The following RAI2 variants were observed in gnomAD, a reference collection of about 807,000 sequenced individuals.
The protein encoded by RAI2 is retinoic acid-induced protein 2.
RAI2 carries 5 observed loss-of-function variants against 15.3 expected under a neutral mutation model. The ratio of observed to expected loss-of-function variants is 0.33; its 90% CI spans 0.17 to 0.69. RAI2 has a LOEUF of 0.69. Ranked by LOEUF, RAI2 falls within the 30% of genes least tolerant of loss-of-function variation. The pLI, the probability that RAI2 is intolerant of heterozygous loss-of-function variation, is 0.69. For missense variants in RAI2, 424 were observed against 424.7 expected (o/e 1.00, Z 0.01); for synonymous variants, 191 against 184.0 (o/e 1.04, Z -0.31).
chrX:17,807,452 C>G (rs1272054003), intron 1 of RAI2, among the ~76,000 whole-genome samples: 1 of 112,214 alleles, frequency 8.9e-6, no homozygotes, highest in East Asian at 2.8e-4. Flanking sequence ...CATCCTCACC[C>G]TCTTGTCGCA....
chrX:17,801,743 T>C lies in RAI2; in HGVS notation c.268A>G (p.Met90Val). The C allele has an allele frequency of 8.3e-7, 1 of 1,211,706 alleles. No homozygotes were observed. The highest frequency in any genetic ancestry group is 1.1e-6 in the Non-Finnish European group (1 of 895,503). Residue 90 changes from methionine (M) to valine (V), a missense_variant, in exon 2 of 2, where the codon ATG becomes GTG. Transcript: ENST00000451717. ...PLCLGESPVV[M>V]PIHMQVEGSS... ...CCCTCCACCTGCATGTGAATGGGCA[T>C]CACCACTGGGCTCTCCCCGAGGCAC...
At chrX:17,816,046 TTCTC>T (rs767718604) in intron 1 of RAI2, among the ~76,000 whole-genome samples, 92 of 106,798 alleles carry the variant, frequency 8.6e-4, no homozygotes, top group African/African-American at 2.6e-3. Context: ...TTCTTTTTCT[TTCTC>T]TCTCTCTCTC....
At chrX:17,848,341 A>G (rs1039879928) in intron 1 of RAI2, among the ~76,000 whole-genome samples, 8 of 110,517 alleles carry the variant, frequency 7.2e-5, no homozygotes, top group African/African-American at 2.6e-4. Context: ...AAAAGAAAAA[A>G]GCTTAGTCTC....
chrX:17,854,353 C>T (rs1018856427), intron 1 of RAI2, among the ~76,000 whole-genome samples: 1 of 112,094 alleles, frequency 8.9e-6, no homozygotes, highest in Non-Finnish European at 1.9e-5. Flanking sequence ...GATTCTTCAG[C>T]CAATTGCTTT....
intron 1 of RAI2, among the ~76,000 whole-genome samples, chrX:17,808,106 C>A (rs1221419371): frequency 9.0e-6 from 1 of 111,374 alleles, no homozygotes; most frequent in Non-Finnish European, 1.9e-5. Flanking sequence ...TTTTTTTTAT[C>A]TCATCAGCTA....
At chrX:17,850,742 A>G (rs1033762687) in intron 1 of RAI2, among the ~76,000 whole-genome samples, 2 of 112,244 alleles carry the variant, frequency 1.8e-5, no homozygotes, top group African/African-American at 6.5e-5. Flanking sequence ...TTTTAAAATG[A>G]AGGATCCAAT....
At chrX:17,831,093 A>C (rs982186979) in intron 1 of RAI2, among the ~76,000 whole-genome samples, 2 of 111,727 alleles carry the variant, frequency 1.8e-5, no homozygotes, top group Non-Finnish European at 3.8e-5. Flanking sequence ...GGAAGGCAAG[A>C]AAGGGACTCT....
chrX:17,815,265 T>A (rs2067093364), intron 1 of RAI2, among the ~76,000 whole-genome samples: 1 of 111,347 alleles, frequency 9.0e-6, no homozygotes, highest in South Asian at 3.8e-4. Flanking sequence ...TTATTTCCTA[T>A]TTTATTGGGG....
rs1307387132 is a variant in RAI2, at chrX:17,800,135, T to C, written c.*283A>G. The C allele has an allele frequency of 3.6e-6, 1 of 276,214 alleles. No individual in the cohort carries two copies. The highest frequency in any genetic ancestry group is 6.3e-6 in the Non-Finnish European group (1 of 159,710). 22.8% of individuals were successfully genotyped at this position (276,214 alleles called of 1,213,427 possible). ...TCAAAGCACTTTGTGGCAATGAAAA[T>C]AGCTTTTTTTACCCCTCTAATTCAC... is the stretch of plus-strand genomic sequence containing the variant. On this transcript the variant is annotated 3_prime_UTR_variant, in exon 2 of 2. Transcript: ENST00000451717.
At chrX:17,823,570 G>A (rs1390714495) in intron 1 of RAI2, among the ~76,000 whole-genome samples, 2 of 111,304 alleles carry the variant, frequency 1.8e-5, no homozygotes, top group Non-Finnish European at 3.8e-5. Flanking sequence ...GAGGTGGTGG[G>A]GACCTGATGC....
chrX:17,821,568 A>G (rs866689997), intron 1 of RAI2, among the ~76,000 whole-genome samples: 1 of 106,837 alleles, frequency 9.4e-6, no homozygotes, highest in Admixed American at 1.0e-4. Flanking sequence ...GTGTGTGTGT[A>G]AGAGAGAGAG....
chrX:17,814,934 C>CTAATAA (rs527628476), intron 1 of RAI2, among the ~76,000 whole-genome samples: 116 of 106,254 alleles, frequency 1.1e-3, no homozygotes, highest in Middle Eastern at 5.0e-3. Flanking sequence ...TGCATGCTGC[C>CTAATAA]TAATAATAAT....
chrX:17,859,727 G>T (rs910698080), intron 1 of RAI2, among the ~76,000 whole-genome samples: 2 of 112,134 alleles, frequency 1.8e-5, no homozygotes, highest in African/African-American at 6.5e-5. Context: ...GTTCTGAACA[G>T]CCCACGACAT....
At chrX:17,847,012 A>G (rs755112409) in intron 1 of RAI2, among the ~76,000 whole-genome samples, 83 of 111,954 alleles carry the variant, frequency 7.4e-4, no homozygotes, top group Non-Finnish European at 1.4e-3. Context: ...CTTGCCTGCC[A>G]CCATGTAAGA....
chrX:17,851,377 G>C (rs888569554), intron 1 of RAI2, among the ~76,000 whole-genome samples: 87 of 112,100 alleles, frequency 7.8e-4, no homozygotes, highest in African/African-American at 2.7e-3. Flanking sequence ...TTTAGATGTT[G>C]GAAAGGAAAC....
At chrX:17,848,292 GAA>G (rs375071115) in intron 1 of RAI2, among the ~76,000 whole-genome samples, 8 of 58,800 alleles carry the variant, frequency 1.4e-4, no homozygotes, top group African/African-American at 4.6e-4. Context: ...AACAAAAAAT[GAA>G]AAAAAAAAAA....
intron 1 of RAI2, among the ~76,000 whole-genome samples, chrX:17,814,052 A>C (rs1455372850): frequency 9.0e-6 from 1 of 111,564 alleles, no homozygotes; most frequent in Non-Finnish European, 1.9e-5. Flanking sequence ...TGAGGCAAGG[A>C]TTAACTGAAA....
intron 1 of RAI2, among the ~76,000 whole-genome samples, chrX:17,833,981 T>C (rs991189996): frequency 8.9e-6 from 1 of 111,760 alleles, no homozygotes; most frequent in African/African-American, 3.2e-5. Context: ...AAATGTATGC[T>C]CGACAAAGGC....
At chrX:17,841,782 GC>G (rs1234281127) in intron 1 of RAI2, among the ~76,000 whole-genome samples, 1 of 112,314 alleles carries the variant, frequency 8.9e-6, no homozygotes, top group East Asian at 2.8e-4. Context: ...TGCAGTGGAA[GC>G]ACGTGCGATG....
Sources: gnomAD v4.1 joint callset for allele counts (sites outside exome capture counted in the v4.1 genomes callset) on GRCh38, gnomAD v4.1.1 for gene constraint, MANE v1.5 for transcripts, NCBI Gene and HGNC (gene_info 2026-07-23, HGNC 2026-07-21) for gene names.